Variants in CCDC102B observed in about 807,000 individuals in gnomAD.
The protein encoded by CCDC102B is coiled-coil domain-containing protein 102B.
Under a neutral mutation model 57.4 loss-of-function variants are expected in CCDC102B, and 75 were observed. The observed-to-expected ratio is 1.31, with a 90% confidence interval of 1.08 to 1.58. The LOEUF is 1.58. Among genes scored for constraint, CCDC102B ranks in the 40% most tolerant of loss-of-function variants. CCDC102B has a pLI of 0.00. For missense variants in CCDC102B, 636 were observed against 582.6 expected, an observed-to-expected ratio of 1.09 and a Z score of -0.94; for synonymous variants, 206 against 201.9, an observed-to-expected ratio of 1.02 and a Z score of -0.17.
intron 4 of CCDC102B, among the ~76,000 whole-genome samples, chr18:68,856,545 C>T (rs996911948): frequency 6.6e-6 from 1 of 152,148 alleles, no homozygotes; most frequent in Admixed American, 6.5e-5. Context: ...GTGATCTTCC[C>T]ACATTGGCCT....
intron 6 of CCDC102B, among the ~76,000 whole-genome samples, chr18:68,939,589 TG>T (rs2049326440): frequency 6.6e-6 from 1 of 151,796 alleles, no homozygotes; most frequent in African/African-American, 2.4e-5. Context: ...TTCCTGTTAT[TG>T]GAAAGTAAAG....
At chr18:68,823,836 T>A (rs955214772) in intron 1 of CCDC102B, among the ~76,000 whole-genome samples, 1 of 152,198 alleles carries the variant, frequency 6.6e-6, no homozygotes, top group Non-Finnish European at 1.5e-5. Flanking sequence ...CACATGTTTG[T>A]TGACTTATTG....
At chr18:69,017,203 C>T (rs1316934273) in intron 7 of CCDC102B, among the ~76,000 whole-genome samples, 1 of 152,114 alleles carries the variant, frequency 6.6e-6, no homozygotes, top group African/African-American at 2.4e-5. Flanking sequence ...GAAGCCTCAA[C>T]CTCCCGGGCT....
At chr18:69,044,053 A>T (rs1037050351) in intron 7 of CCDC102B, among the ~76,000 whole-genome samples, 2 of 152,280 alleles carry the variant, frequency 1.3e-5, no homozygotes, top group Admixed American at 1.3e-4. Flanking sequence ...TAAAAAGAAC[A>T]AACAAAACCA....
At chr18:68,765,761 T>C (rs1239397401) in intron 2 of CCDC102B, among the ~76,000 whole-genome samples, 1 of 152,204 alleles carries the variant, frequency 6.6e-6, no homozygotes, top group African/African-American at 2.4e-5. Context: ...AATCATTACT[T>C]AATATTCTAT....
chr18:68,930,856 G>A (rs2041648639), intron 6 of CCDC102B, among the ~76,000 whole-genome samples: 1 of 151,808 alleles, frequency 6.6e-6, no homozygotes, highest in South Asian at 2.1e-4. Context: ...GGAATAAGGT[G>A]CAATGTCAAG....
intron 2 of CCDC102B, among the ~76,000 whole-genome samples, chr18:68,766,540 C>G (rs1258674756): frequency 6.6e-6 from 1 of 152,154 alleles, no homozygotes; most frequent in Non-Finnish European, 1.5e-5. Flanking sequence ...CCACCAAAAT[C>G]CATAGACAAT....
At chr18:68,740,234 C>T (rs529425810) in intron 2 of CCDC102B, among the ~76,000 whole-genome samples, 2 of 152,228 alleles carry the variant, frequency 1.3e-5, no homozygotes, top group East Asian at 3.9e-4. Context: ...ATAATCAACC[C>T]CAGTTAAGAA....
rs1261513772 is a variant in CCDC102B, at chr18:69,006,831, T to C, written c.1264-4103T>C. On this transcript the variant is annotated intron_variant, in intron 6 of 7. Coordinates refer to ENST00000360242, the MANE Select transcript of CCDC102B (RefSeq NM_024781.3). ...TTAATGGATCAAAATGTCAAATAAC[T>C]TGTCAAATCTTAAAGATAAGTCCTC... 2.6e-5 allele frequency among the ~76,000 whole-genome samples: 4 copies of C among 152,268 alleles called. No individual in the cohort carries two copies. The East Asian group carries it at 5.8e-4, about 22-fold the overall frequency.
intron 1 of CCDC102B, chr18:68,715,610 A>G (rs1027981311): frequency 5.9e-5 from 9 of 152,220 alleles, no homozygotes; most frequent in African/African-American, 2.2e-4. Context: ...ATTTTTGCCA[A>G]AGTAAGGATT....
intron 6 of CCDC102B, among the ~76,000 whole-genome samples, chr18:68,979,830 T>C (rs561219851): frequency 6.6e-6 from 1 of 152,010 alleles, no homozygotes; most frequent in African/African-American, 2.4e-5. Flanking sequence ...TCATTTATGA[T>C]AGTGGCTAAA....
intron 6 of CCDC102B, among the ~76,000 whole-genome samples, chr18:68,913,934 T>A (rs1216361132): frequency 6.6e-6 from 1 of 152,218 alleles, no homozygotes; most frequent in Non-Finnish European, 1.5e-5. Context: ...TATGGTCCTA[T>A]CTCTGCCAGA....
intron 7 of CCDC102B, among the ~76,000 whole-genome samples, chr18:69,021,555 T>C (rs1034798646): frequency 4.6e-5 from 7 of 152,218 alleles, no homozygotes; most frequent in Non-Finnish European, 8.8e-5. Flanking sequence ...GAGAGCTTTT[T>C]AACGTTGTGA....
intron 4 of CCDC102B, among the ~76,000 whole-genome samples, chr18:68,857,264 TAAA>T (rs2038481713): frequency 4.0e-5 from 1 of 24,982 alleles, no homozygotes. Flanking sequence ...TTTAAATATA[TAAA>T]TATATATATA....
intron 6 of CCDC102B, among the ~76,000 whole-genome samples, chr18:68,930,666 A>G (rs562732273): frequency 8.0e-4 from 121 of 152,040 alleles, no homozygotes; most frequent in Admixed American, 1.3e-3. Flanking sequence ...TCTACGTGCT[A>G]TAACTGAGAA....
intron 2 of CCDC102B, among the ~76,000 whole-genome samples, chr18:68,758,512 G>A (rs1352239083): frequency 6.6e-6 from 1 of 151,898 alleles, no homozygotes; most frequent in East Asian, 1.9e-4. Flanking sequence ...ACCATTATCA[G>A]TAGGACTCAC....
intron 1 of CCDC102B, chr18:68,715,721 G>A (rs868453353): frequency 2.6e-5 from 4 of 152,110 alleles, no homozygotes; most frequent in African/African-American, 4.8e-5. Context: ...AGATAAAGTA[G>A]TATGAAATAT....
intron 1 of CCDC102B, among the ~76,000 whole-genome samples, chr18:68,802,912 C>A (rs1478326151): frequency 6.6e-6 from 1 of 152,220 alleles, no homozygotes; most frequent in African/African-American, 2.4e-5. Flanking sequence ...ATCCTATCCA[C>A]TTTCCACGCT....
At chr18:68,959,476 T>C (rs2049991491) in intron 6 of CCDC102B, among the ~76,000 whole-genome samples, 1 of 152,118 alleles carries the variant, frequency 6.6e-6, no homozygotes, top group Non-Finnish European at 1.5e-5. Context: ...CACTGAATCT[T>C]GTCCAAGGCC....
Sources: allele counts gnomAD v4.1 joint callset (sites outside exome capture counted in the v4.1 genomes callset), GRCh38; gene constraint gnomAD v4.1.1; transcripts MANE v1.5; gene names NCBI Gene and HGNC (gene_info 2026-07-23, HGNC 2026-07-21).